The following CTNNA2 variants were observed in gnomAD, a reference collection of about 807,000 sequenced individuals.
The protein encoded by CTNNA2 is catenin alpha 2, also known as catenin alpha-2.
Under a neutral mutation model 101.0 loss-of-function variants are expected in CTNNA2, and 42 were observed. The ratio of observed to expected loss-of-function variants is 0.42; its 90% CI spans 0.32 to 0.54. The LOEUF (loss-of-function observed/expected upper bound fraction) is 0.54. Among genes scored for constraint, CTNNA2 ranks in the 20% least tolerant of loss-of-function variants. The pLI is 0.14. For missense variants in CTNNA2, 871 were observed against 1,223.1 expected, an observed-to-expected ratio of 0.71 and a Z score of 4.29; for synonymous variants, 450 against 456.4, an observed-to-expected ratio of 0.99 and a Z score of 0.18.
chr2:80,047,974 G>T (rs918967346), intron 7 of CTNNA2, among the ~76,000 whole-genome samples: 4 of 152,150 alleles, frequency 2.6e-5, no homozygotes, highest in Non-Finnish European at 5.9e-5. Flanking sequence ...ATTCATGTTT[G>T]TGTGTTTTAT....
At chr2:79,824,788 AT>A (rs760948015) in intron 3 of CTNNA2, among the ~76,000 whole-genome samples, 3 of 152,234 alleles carry the variant, frequency 2.0e-5, no homozygotes, top group Non-Finnish European at 2.9e-5. Context: ...CTTCTAAATC[AT>A]CAAAAAAGTT....
At chr2:79,825,760 G>A (rs536581721) in intron 3 of CTNNA2, among the ~76,000 whole-genome samples, 2 of 152,252 alleles carry the variant, frequency 1.3e-5, no homozygotes, top group East Asian at 3.9e-4. Context: ...GTTGATCTAG[G>A]AAAGAGAATG....
chr2:80,265,813 T>A (rs1049230389), intron 7 of CTNNA2, among the ~76,000 whole-genome samples: 1 of 152,198 alleles, frequency 6.6e-6, no homozygotes, highest in African/African-American at 2.4e-5. Context: ...TCTGGGATAG[T>A]GTTTCCCATA....
At chr2:79,895,986 T>C (rs556981979) in intron 6 of CTNNA2, among the ~76,000 whole-genome samples, 30 of 152,152 alleles carry the variant, frequency 2.0e-4, no homozygotes, top group African/African-American at 7.0e-4. Flanking sequence ...CTCCTGCCCA[T>C]TGAAAGTAGA....
chr2:79,222,481 C>T (rs985712725), intron 2 of CTNNA2, among the ~76,000 whole-genome samples: 19 of 152,234 alleles, frequency 1.2e-4, no homozygotes, highest in African/African-American at 4.3e-4. Context: ...GGAGCAGGAG[C>T]GAGCTGACCC....
At chr2:79,759,379 G>A (rs1468150290) in intron 3 of CTNNA2, among the ~76,000 whole-genome samples, 1 of 146,708 alleles carries the variant, frequency 6.8e-6, no homozygotes, top group Non-Finnish European at 1.5e-5. Context: ...GGTGACAAGA[G>A]TGACTCCATC....
chr2:79,821,770 A>C (rs768961492), intron 3 of CTNNA2, among the ~76,000 whole-genome samples: 30 of 152,268 alleles, frequency 2.0e-4, no homozygotes, highest in African/African-American at 7.2e-4. Flanking sequence ...TCCCATATAG[A>C]ACATATGGAA....
intron 7 of CTNNA2, among the ~76,000 whole-genome samples, chr2:80,391,084 A>G (rs1677466098): frequency 6.7e-6 from 1 of 150,312 alleles, no homozygotes; most frequent in African/African-American, 2.4e-5. Flanking sequence ...GTGAGCTGAG[A>G]TTGCGCCACT....
intron 1 of CTNNA2, among the ~76,000 whole-genome samples, chr2:79,597,481 A>T (rs1017185617): frequency 1.5e-4 from 23 of 151,090 alleles, no homozygotes; most frequent in African/African-American, 5.1e-4. Flanking sequence ...AAAAAAAAAA[A>T]GAAATATTAG....
At chr2:79,632,431 C>T (rs569728722) in intron 1 of CTNNA2, among the ~76,000 whole-genome samples, 66 of 152,154 alleles carry the variant, frequency 4.3e-4, no homozygotes, top group African/African-American at 1.5e-3. Context: ...AAATATATTT[C>T]TTCTGTTTAT....
chr2:79,903,667 G>A (rs78149409), intron 6 of CTNNA2, among the ~76,000 whole-genome samples: 3,406 of 152,236 alleles, frequency 0.022, 65 homozygotes, highest in African/African-American at 0.045. Flanking sequence ...CTTTTAGACT[G>A]CTATGGGGAC....
chr2:80,245,822 T>TTTTTTTTTG (rs1558937542), intron 7 of CTNNA2, among the ~76,000 whole-genome samples: 3 of 135,466 alleles, frequency 2.2e-5, no homozygotes, highest in East Asian at 2.1e-4. Context: ...TTTTTTTTTT[T>TTTTTTTTTG]TGCACTCTGT....
chr2:79,582,449 C>A (rs1676207016), intron 1 of CTNNA2, among the ~76,000 whole-genome samples: 1 of 152,078 alleles, frequency 6.6e-6, no homozygotes, highest in Admixed American at 6.6e-5. Context: ...TTTTCTCTTA[C>A]CTTTTTCTGA....
At chr2:79,907,473 A>T (rs1019461991) in intron 6 of CTNNA2, among the ~76,000 whole-genome samples, 2 of 152,172 alleles carry the variant, frequency 1.3e-5, no homozygotes, top group Non-Finnish European at 2.9e-5. Context: ...CATTGCAGAC[A>T]CAACACTAGT....
At chr2:79,669,979 A>T (rs982389076) in intron 2 of CTNNA2, among the ~76,000 whole-genome samples, 1 of 151,914 alleles carries the variant, frequency 6.6e-6, no homozygotes, top group Non-Finnish European at 1.5e-5. Context: ...CCCCAACCCC[A>T]CTCCAAGATC....
intron 7 of CTNNA2, among the ~76,000 whole-genome samples, chr2:80,216,413 A>G (rs750617788): frequency 7.2e-5 from 11 of 152,200 alleles, no homozygotes; most frequent in African/African-American, 4.8e-5. Context: ...GAAAATAACA[A>G]TAATAATAAT....
At chr2:80,382,112 G>A (rs545020750) in intron 7 of CTNNA2, among the ~76,000 whole-genome samples, 102 of 152,256 alleles carry the variant, frequency 6.7e-4, no homozygotes, top group African/African-American at 2.2e-3. Flanking sequence ...TGGTGAAGTC[G>A]CAGCGAGCCA....
At position 79,325,044 on chromosome 2, in the gene CTNNA2, T is replaced by C. The variant is rs115811908; in HGVS notation, c.-318+12248T>C. Among the ~76,000 whole-genome samples, 1,122 of 152,322 alleles carry C rather than the reference T, an allele frequency of 7.4e-3. 5 individuals are homozygous for C. Among genetic ancestry groups the C allele is most frequent in the Non-Finnish European group, 0.011 (760 of 68,030 alleles). ...TTTCTGAAGCTGCTTTACAAAGCTA[T>C]CTTCTGAAACGCAAAGGATGGTCTC... On this transcript the variant is annotated intron_variant, in intron 3 of 21. Transcript: ENST00000466387.
chr2:79,522,700 G>A (rs1300492413), intron 1 of CTNNA2, among the ~76,000 whole-genome samples: 1 of 152,178 alleles, frequency 6.6e-6, no homozygotes, highest in African/African-American at 2.4e-5. Flanking sequence ...GAGAGGTGGA[G>A]AAATCACATT....
Sources: gnomAD v4.1 joint callset for allele counts (sites outside exome capture counted in the v4.1 genomes callset) on GRCh38, gnomAD v4.1.1 for gene constraint, MANE v1.5 for transcripts, NCBI Gene and HGNC (gene_info 2026-07-23, HGNC 2026-07-21) for gene names.